WDFY3: variants seen among roughly 807,000 people sequenced by gnomAD.
WDFY3 encodes the protein WD repeat and FYVE domain containing 3, also known as WD repeat and FYVE domain-containing protein 3.
WDFY3 carries 66 observed loss-of-function variants against 409.6 expected under a neutral mutation model. The ratio of observed to expected loss-of-function variants is 0.16; its 90% CI spans 0.13 to 0.20. The LOEUF (loss-of-function observed/expected upper bound fraction) is 0.20. Among genes scored for constraint, WDFY3 ranks in the 10% least tolerant of loss-of-function variants. The probability of loss-of-function intolerance (pLI) is 1.00; values close to 1 mark genes in which losing one functional copy is unlikely to be tolerated. For synonymous variants in WDFY3, 1,521 were observed against 1,537.1 expected (o/e 0.99, Z 0.25); for missense variants, 3,031 against 4,298.1 (o/e 0.71, Z 8.24).
chr4:84,808,435 G>A lies in WDFY3; in HGVS notation c.2346-18C>T, dbSNP rs1356079684. On this transcript the variant is annotated intron_variant, in intron 14 of 67. Transcript: ENST00000295888. ...CTGCACGACTACAGACAACAAAACA[G>A]ACAGGGTGGTTTAGAGAGGTTAGAA... The A allele has an allele frequency of 1.2e-5, 20 of 1,611,920 alleles. No homozygotes were observed. The highest frequency in any genetic ancestry group is 1.7e-5 in the Non-Finnish European group (20 of 1,178,664).
intron 36 of WDFY3, among the ~76,000 whole-genome samples, chr4:84,746,580 G>A (rs530231945): frequency 1.7e-4 from 26 of 152,146 alleles, no homozygotes; most frequent in South Asian, 1.5e-3. Flanking sequence ...ACTGTTACAC[G>A]AATGATGAGG....
chr4:84,700,851 ACTGAGACGGGCAGATCACTTGG>A (rs1372411808), intron 56 of WDFY3, among the ~76,000 whole-genome samples: 1 of 152,212 alleles, frequency 6.6e-6, no homozygotes, highest in Non-Finnish European at 1.5e-5. Flanking sequence ...GCCTGTAACC[ACTGAGACGGGCAGATCACTTGG>A]CTGAGACGGG....
At position 84,672,504 on chromosome 4, in the gene WDFY3, TTTG is replaced by T. The variant is rs1207182692; in HGVS notation, c.*361_*363del. ...TTACAACCATTTTCTAAAAGCCTTT[TTTG>T]TTGTTGGTTTTTCCAAATAAGGATG... On this transcript the variant is annotated 3_prime_UTR_variant, in exon 68 of 68. Transcript: ENST00000295888. The T allele has an allele frequency of 6.2e-6, 1 of 160,112 alleles. No homozygotes were observed. Among genetic ancestry groups the T allele is most frequent in the Non-Finnish European group, 1.4e-5 (1 of 73,518 alleles). The allele number at this position is 160,112 out of a possible 1,614,324, so 9.9% of individuals were successfully genotyped here. A position where few individuals can be genotyped will look rare whatever the true frequency, so the allele number is the denominator to read the frequency against.
intron 3 of WDFY3, among the ~76,000 whole-genome samples, chr4:84,891,633 G>A (rs1764970813): frequency 6.6e-6 from 1 of 152,072 alleles, no homozygotes; most frequent in Non-Finnish European, 1.5e-5. Context: ...TATTTATTAT[G>A]TTTGAACCAC....
chr4:84,933,262 C>T (rs1242755489), intron 1 of WDFY3, among the ~76,000 whole-genome samples: 4 of 151,970 alleles, frequency 2.6e-5, no homozygotes, highest in Admixed American at 6.6e-5. Flanking sequence ...GGCAATATTG[C>T]CTTCAATAGA....
chr4:84,880,671 A>T (rs1449513174), intron 3 of WDFY3, among the ~76,000 whole-genome samples: 4 of 84,446 alleles, frequency 4.7e-5, no homozygotes, highest in East Asian at 7.0e-4. Context: ...TAAGGGAACC[A>T]TACATATATA....
chr4:84,880,938 GTCT>G (rs1162364877), intron 3 of WDFY3, among the ~76,000 whole-genome samples: 2 of 151,130 alleles, frequency 1.3e-5, no homozygotes, highest in African/African-American at 4.9e-5. Context: ...GACCAGGCTG[GTCT>G]TGAACTCCTG....
At chr4:84,834,782 G>A (rs183464318) in intron 7 of WDFY3, among the ~76,000 whole-genome samples, 2 of 152,296 alleles carry the variant, frequency 1.3e-5, no homozygotes, top group East Asian at 3.9e-4. Flanking sequence ...CTGAATGCCT[G>A]CATGAAGCAT....
At chr4:84,855,944 C>A (rs1020956201) in intron 4 of WDFY3, among the ~76,000 whole-genome samples, 3 of 152,204 alleles carry the variant, frequency 2.0e-5, no homozygotes, top group African/African-American at 7.2e-5. Flanking sequence ...TTCTCATCTG[C>A]TCTGGCTGTG....
chr4:84,744,579 C>T (rs1045830870), intron 36 of WDFY3, among the ~76,000 whole-genome samples: 2 of 151,996 alleles, frequency 1.3e-5, no homozygotes, highest in Admixed American at 6.6e-5. Context: ...AGGGGCCGGG[C>T]GCGGTGGCTC....
intron 48 of WDFY3, among the ~76,000 whole-genome samples, chr4:84,717,665 T>C (rs1315544778): frequency 6.6e-6 from 1 of 152,118 alleles, no homozygotes; most frequent in Non-Finnish European, 1.5e-5. Context: ...ACAGGACTGG[T>C]AGAAGAAAAG....
chr4:84,850,827 A>G (rs917156025), intron 4 of WDFY3, among the ~76,000 whole-genome samples: 1 of 151,960 alleles, frequency 6.6e-6, no homozygotes, highest in African/African-American at 2.4e-5. Context: ...AAAAACTAGA[A>G]AACAGAAATG....
intron 30 of WDFY3, among the ~76,000 whole-genome samples, chr4:84,769,942 AC>A (rs1321282437): frequency 6.6e-6 from 1 of 151,474 alleles, no homozygotes; most frequent in Non-Finnish European, 1.5e-5. Context: ...TCCAGAAAAC[AC>A]CCTCCACCAG....
In WDFY3 at chr4:84,743,978, TAC is replaced by T. The variant is rs1738893039; in HGVS notation, c.5974-181_5974-180del. On this transcript the variant is annotated intron_variant, in intron 36 of 67. Coordinates refer to ENST00000295888, the MANE Select transcript of WDFY3 (RefSeq NM_014991.6). ...TATGGTCTTTCACGTATTTTCTGAC[TAC>T]AGAATTAAAAAAAATTTAAAGCAAA... Among the ~76,000 whole-genome samples the T allele has an allele frequency of 2.0e-5, 3 of 151,304 alleles. No homozygotes were observed. The South Asian group carries it at 6.2e-4, about 31-fold the overall frequency.
intron 3 of WDFY3, among the ~76,000 whole-genome samples, chr4:84,871,807 G>T (rs1206810428): frequency 6.6e-6 from 1 of 151,908 alleles, no homozygotes; most frequent in East Asian, 1.9e-4. Context: ...GTTAATTTTT[G>T]TATTTTCTGT....
At chr4:84,847,812 C>CA (rs893404089) in intron 5 of WDFY3, among the ~76,000 whole-genome samples, 4 of 94,810 alleles carry the variant, frequency 4.2e-5, no homozygotes, top group East Asian at 3.0e-4. Context: ...CAAAAAAAAA[C>CA]AAAAAAAACC....
At chr4:84,753,279 T>G (rs1022454852) in intron 35 of WDFY3, among the ~76,000 whole-genome samples, 2 of 152,132 alleles carry the variant, frequency 1.3e-5, no homozygotes, top group African/African-American at 4.8e-5. Context: ...ACCCTATAAT[T>G]TATTGGCAAA....
At chr4:84,830,216 C>G (rs1348864876) in intron 8 of WDFY3, among the ~76,000 whole-genome samples, 1 of 152,120 alleles carries the variant, frequency 6.6e-6, no homozygotes, top group Non-Finnish European at 1.5e-5. Context: ...AGGTAGTTCT[C>G]AACTTGATGA....
intron 29 of WDFY3, among the ~76,000 whole-genome samples, chr4:84,774,403 C>T (rs1407585380): frequency 6.6e-6 from 1 of 152,162 alleles, no homozygotes; most frequent in Non-Finnish European, 1.5e-5. Context: ...ATTTAAAATA[C>T]CATAATCTGT....
Sources: allele counts gnomAD v4.1 joint callset (sites outside exome capture counted in the v4.1 genomes callset), GRCh38; gene constraint gnomAD v4.1.1; transcripts MANE v1.5; gene names NCBI Gene and HGNC (gene_info 2026-07-23, HGNC 2026-07-21).